COL22A1: variants seen among roughly 807,000 people sequenced by gnomAD.
COL22A1 encodes collagen type XXII alpha 1 chain.
Under a neutral mutation model 248.9 loss-of-function variants are expected in COL22A1, and 221 were observed. That is an observed-to-expected ratio of 0.89 (90% confidence interval 0.80 to 0.99). The LOEUF is 0.99. COL22A1 is among the 50% of genes least tolerant of loss of function. COL22A1 has a pLI of 0.00. For missense variants in COL22A1, 2,240 were observed against 2,179.0 expected (o/e 1.03, Z -0.56); for synonymous variants, 891 against 793.4 (o/e 1.12, Z -2.07).
intron 60 of COL22A1, among the ~76,000 whole-genome samples, chr8:138,601,186 A>G (rs1353958733): frequency 2.0e-5 from 3 of 151,880 alleles, no homozygotes; most frequent in African/African-American, 7.3e-5. Flanking sequence ...GGGAACATCA[A>G]CGCCTTCTCA....
intron 40 of COL22A1, among the ~76,000 whole-genome samples, chr8:138,678,668 G>C (rs945955143): frequency 1.3e-5 from 2 of 152,062 alleles, no homozygotes; most frequent in Admixed American, 6.6e-5. Context: ...GTTCATTGTA[G>C]CAATGGAGAG....
intron 23 of COL22A1, among the ~76,000 whole-genome samples, chr8:138,735,794 T>A (rs961216333): frequency 6.6e-6 from 1 of 152,178 alleles, no homozygotes. Flanking sequence ...CAAGGTGCCA[T>A]CTTTCACTAG....
Position 138,821,152 on chromosome 8 carries a change from T to A in COL22A1, c.1229A>T (p.Asp410Val). The A allele has an allele frequency of 6.2e-7, 1 of 1,614,134 alleles. No individual in the cohort carries two copies. Among genetic ancestry groups the A allele is most frequent in the East Asian group, 2.2e-5 (1 of 44,868 alleles). ...GGTACTCACGTCAATGGGCACACTGTCGTAGAGGCGCTTGCCAATCACAGT... is the reference window on the plus strand; with the variant it reads ...GGTACTCACGTCAATGGGCACACTGACGTAGAGGCGCTTGCCAATCACAGT... ...GKTVIGKRLY[D>V]SVPIDFDLQR... Residue 410 changes from aspartate to valine, a missense_variant, in exon 7 of 65, where the codon GAC becomes GTC. Asp to Val is a radical substitution (Grantham distance 152, BLOSUM62 -3). Transcript: ENST00000303045.
At chr8:138,646,591 G>C in intron 47 of COL22A1, 38 bp downstream of exon 47, 3 of 1,492,132 alleles carry the variant, frequency 2.0e-6, no homozygotes, top group Non-Finnish European at 2.7e-6. Context: ...GAGATGAGCA[G>C]AATAGATCCA....
chr8:138,813,506 A>C lies in COL22A1; in HGVS notation c.1246-487T>G, dbSNP rs1818418283. Among the ~76,000 whole-genome samples the C allele has an allele frequency of 4.6e-5, 7 of 152,176 alleles. No homozygotes were observed. The South Asian group carries it at 1.5e-3, about 32-fold the overall frequency. Reference sequence around the variant, plus strand: ...AGCCATATGGAACCGTGAGTCAATTAAATCTCTTTCCTTTATAAATTACTC... The same window carrying C: ...AGCCATATGGAACCGTGAGTCAATTCAATCTCTTTCCTTTATAAATTACTC... On this transcript the variant is annotated intron_variant, in intron 7 of 64. Transcript: ENST00000303045.
chr8:138,754,965 G>A (rs1586658691), intron 21 of COL22A1, among the ~76,000 whole-genome samples, 192 bp downstream of exon 21: 1 of 152,188 alleles, frequency 6.6e-6, no homozygotes, highest in East Asian at 1.9e-4. Flanking sequence ...CTGACGTGGA[G>A]AGAGTTATCC....
At chr8:138,730,943 C>A (rs1332514018) in intron 23 of COL22A1, among the ~76,000 whole-genome samples, 2 of 151,862 alleles carry the variant, frequency 1.3e-5, no homozygotes, top group Non-Finnish European at 2.9e-5. Context: ...GCTTTGTCTT[C>A]GAGGGAGCAC....
chr8:138,802,978 G>A (rs369040092), intron 10 of COL22A1, 44 bp from the exon 11 acceptor site: 66 of 1,502,768 alleles, frequency 4.4e-5, no homozygotes, highest in East Asian at 2.3e-4. Context: ...TAGGTTTCCC[G>A]ACAGGGCTCT....
At chr8:138,636,231 A>G (rs1024951915) in intron 48 of COL22A1, among the ~76,000 whole-genome samples, 1 of 152,052 alleles carries the variant, frequency 6.6e-6, no homozygotes, top group Admixed American at 6.6e-5. Flanking sequence ...AGATCCACAG[A>G]GAGAGCAGTG....
At chr8:138,901,370 T>TTTTTTG (rs1554660901) in intron 1 of COL22A1, among the ~76,000 whole-genome samples, 1 of 84,502 alleles carries the variant, frequency 1.2e-5, no homozygotes, top group Non-Finnish European at 2.5e-5. Context: ...TTTTTTTTTG[T>TTTTTTG]TTTTTTTTTT....
intron 30 of COL22A1, among the ~76,000 whole-genome samples, chr8:138,707,066 G>A (rs200485525): frequency 1.1e-3 from 171 of 152,072 alleles, no homozygotes; most frequent in African/African-American, 3.5e-3. Flanking sequence ...GGACACATAC[G>A]CCCTCCCAAT....
chr8:138,672,935 G>T (rs934744954), intron 41 of COL22A1, among the ~76,000 whole-genome samples: 1 of 152,168 alleles, frequency 6.6e-6, no homozygotes, highest in African/African-American at 2.4e-5. Context: ...GCCTAAGGAG[G>T]CTCATTTTGT....
intron 3 of COL22A1, among the ~76,000 whole-genome samples, chr8:138,869,941 T>C (rs1157512753): frequency 2.0e-5 from 3 of 152,164 alleles, no homozygotes; most frequent in Admixed American, 1.3e-4. Context: ...GTAGTGTGTG[T>C]AGTATATGTG....
chr8:138,871,279 C>T (rs988631147), intron 3 of COL22A1, among the ~76,000 whole-genome samples: 3 of 152,168 alleles, frequency 2.0e-5, no homozygotes, highest in Non-Finnish European at 4.4e-5. Context: ...GGACTGCCCC[C>T]GGATGCCCCT....
At chr8:138,757,502 A>T (rs1350935883) in intron 18 of COL22A1, among the ~76,000 whole-genome samples, 2 of 152,204 alleles carry the variant, frequency 1.3e-5, no homozygotes, top group Admixed American at 6.5e-5. Flanking sequence ...ACAGTTATGA[A>T]ATCAATCAAT....
chr8:138,746,366 AT>A (rs1832110085), intron 22 of COL22A1, among the ~76,000 whole-genome samples: 1 of 152,238 alleles, frequency 6.6e-6, no homozygotes, highest in Non-Finnish European at 1.5e-5. Context: ...ATGACAGGTC[AT>A]GGCAAGGGAA....
chr8:138,608,210 T>A (rs1278040121), intron 56 of COL22A1, among the ~76,000 whole-genome samples: 1 of 152,190 alleles, frequency 6.6e-6, no homozygotes, highest in East Asian at 1.9e-4. Context: ...ATCAAATGAG[T>A]CCGTGGGCAT....
intron 53 of COL22A1, among the ~76,000 whole-genome samples, chr8:138,617,822 C>T (rs577864008): frequency 3.9e-5 from 6 of 152,308 alleles, no homozygotes; most frequent in Non-Finnish European, 7.4e-5. Flanking sequence ...AACTCAGTTT[C>T]CACATCTGTA....
chr8:138,618,887 T>C (rs778163001), intron 53 of COL22A1, among the ~76,000 whole-genome samples: 16 of 152,198 alleles, frequency 1.1e-4, no homozygotes, highest in African/African-American at 1.4e-4. Context: ...TCTGTTTATA[T>C]GTATAATAGC....
Sources: gnomAD v4.1 joint callset for allele counts (sites outside exome capture counted in the v4.1 genomes callset) on GRCh38, gnomAD v4.1.1 for gene constraint, MANE v1.5 for transcripts, NCBI Gene and HGNC (gene_info 2026-07-23, HGNC 2026-07-21) for gene names.